Variants in SNRPD1 observed in about 807,000 individuals in gnomAD.
SNRPD1 encodes small nuclear ribonucleoprotein Sm D1.
Under a neutral mutation model 14.4 loss-of-function variants are expected in SNRPD1, and 1 was observed. The ratio of observed to expected loss-of-function variants is 0.07; its 90% CI spans 0.02 to 0.33. The LOEUF (loss-of-function observed/expected upper bound fraction) is 0.33, where lower values mean the gene tolerates loss of function less well. Among genes scored for constraint, SNRPD1 ranks in the 10% least tolerant of loss-of-function variants. The pLI is 1.00. For missense variants in SNRPD1, 52 were observed against 146.4 expected (o/e 0.36, Z 3.33); for synonymous variants, 42 against 50.3 (o/e 0.83, Z 0.70).
At position 21,632,450 on chromosome 18, in the gene SNRPD1, CTG is replaced by C. The variant is rs934744140; in HGVS notation, c.*3314_*3315del. 6.8e-6 allele frequency: 1 copy of C among 146,476 alleles called. No individual in the cohort carries two copies. The allele number at this position is 146,476 out of a possible 1,614,324, so 9.1% of individuals were successfully genotyped here. A position where few individuals can be genotyped will look rare whatever the true frequency, so the allele number is the denominator to read the frequency against. ...CTTCAGCCTGAGTGACAGAGCGAGA[CTG>C]TTTCAAAAAAAAAAAAAAAATTTGT... is the stretch of plus-strand genomic sequence containing the variant. On this transcript the variant is annotated 3_prime_UTR_variant, in exon 4 of 4. Coordinates refer to ENST00000300413, the MANE Select transcript of SNRPD1 (RefSeq NM_006938.4).
At chr18:21,615,854 TC>T (rs1385126848) in intron 1 of SNRPD1, among the ~76,000 whole-genome samples, 4 of 152,188 alleles carry the variant, frequency 2.6e-5, no homozygotes, top group Admixed American at 2.0e-4. Context: ...ATTTTACACT[TC>T]CATTAACAAT....
At chr18:21,614,500 C>T (rs1048096587) in intron 1 of SNRPD1, among the ~76,000 whole-genome samples, 3 of 152,054 alleles carry the variant, frequency 2.0e-5, no homozygotes, top group African/African-American at 7.2e-5. Context: ...TATTTTTCCT[C>T]CAGAAAATGA....
At position 21,628,985 on chromosome 18, in the gene SNRPD1, G is replaced by T. The variant is rs1380554453; in HGVS notation, c.284-77G>T. 17 of 1,058,082 alleles carry T rather than the reference G, an allele frequency of 1.6e-5. No individual in the cohort carries two copies. The South Asian group carries it at 2.0e-4, about 12-fold the overall frequency. 65.5% of individuals were successfully genotyped at this position (1,058,082 alleles called of 1,614,324 possible). On this transcript the variant is annotated intron_variant, in intron 3 of 3. Coordinates refer to ENST00000300413, the MANE Select transcript of SNRPD1 (RefSeq NM_006938.4). The stretch of plus-strand genomic sequence containing the variant: ...GCTATAAACAGGGAAAGGTGTGTGT[G>T]TAAATGTTGTTTGTGGTGTCTAGGT...
chr18:21,615,661 A>T (rs191246211), intron 1 of SNRPD1, among the ~76,000 whole-genome samples: 8 of 152,342 alleles, frequency 5.3e-5, no homozygotes, highest in Non-Finnish European at 1.0e-4. Context: ...ATTTTAAAAA[A>T]TTACAAGAAA....
chr18:21,621,304 G>GA (rs1402174713), intron 1 of SNRPD1, among the ~76,000 whole-genome samples: 9 of 152,150 alleles, frequency 5.9e-5, no homozygotes, highest in Non-Finnish European at 8.8e-5. Context: ...TTTGTAATGG[G>GA]AAAAAATTGA....
Position 21,631,793 on chromosome 18 carries a change from C to T in SNRPD1, c.*2655C>T, listed in dbSNP as rs554097773. 1 of 152,172 alleles carries T rather than the reference C, an allele frequency of 6.6e-6. No homozygotes were observed. Among genetic ancestry groups the T allele is most frequent in the East Asian group, 1.9e-4 (1 of 5,172 alleles). 9.4% of individuals were successfully genotyped at this position (152,172 alleles called of 1,614,324 possible). A position where few individuals can be genotyped will look rare whatever the true frequency, so the allele number is the denominator to read the frequency against. ...ATAACTGGATTTCATTCTTTTCCAT[C>T]TTCTGACCTGTTGGTGCTCCTATTG... On this transcript the variant is annotated 3_prime_UTR_variant, in exon 4 of 4. Transcript: ENST00000300413.
In SNRPD1 at chr18:21,622,780, C is replaced by G; in HGVS notation, c.70C>G (p.Gln24Glu). 6.3e-7 allele frequency: 1 copy of G among 1,581,414 alleles called. No individual in the cohort carries two copies. Among genetic ancestry groups the G allele is most frequent in the Non-Finnish European group, 8.7e-7 (1 of 1,150,614 alleles). Reference sequence around the variant, plus strand: ...AACCATTGAATTGAAGAACGGAACACAGGTCCATGGAACAATCACAGGTAC... The same window carrying G: ...AACCATTGAATTGAAGAACGGAACAGAGGTCCATGGAACAATCACAGGTAC... ...TVTIELKNGT[Q>E]VHGTITGVDV... Residue 24 changes from glutamine to glutamate, a missense_variant, in exon 2 of 4, where the codon CAG becomes GAG. Physicochemically the swap from Gln to Glu is conservative, Grantham distance 29. Transcript: ENST00000300413.
At chr18:21,628,309 G>A (rs567998905) in intron 3 of SNRPD1, among the ~76,000 whole-genome samples, 1 of 152,274 alleles carries the variant, frequency 6.6e-6, no homozygotes, top group Admixed American at 6.5e-5. Context: ...GAGCCCAGGA[G>A]TTCAAGGCTG....
At chr18:21,626,423 A>T (rs2039039667) in intron 3 of SNRPD1, among the ~76,000 whole-genome samples, 1 of 149,058 alleles carries the variant, frequency 6.7e-6, no homozygotes, top group Admixed American at 6.7e-5. Context: ...AAAGGAAACT[A>T]CAACAAATTA....
chr18:21,628,017 G>A (rs927790015), intron 3 of SNRPD1, among the ~76,000 whole-genome samples: 7 of 152,102 alleles, frequency 4.6e-5, no homozygotes, highest in East Asian at 3.9e-4. Context: ...TTTGTGAAAT[G>A]TCCCTTAATT....
rs2146263430 is a variant in SNRPD1, at chr18:21,629,441, T to C, written c.*303T>C. ...ACAAATTAAATTTGGCAGAGTTTAA[T>C]TGAGCAAAGGACAATTCACAAATCA... is the stretch of plus-strand genomic sequence containing the variant. On this transcript the variant is annotated 3_prime_UTR_variant, in exon 4 of 4. Coordinates refer to ENST00000300413, the MANE Select transcript of SNRPD1 (RefSeq NM_006938.4). The C allele has an allele frequency of 4.0e-6, 1 of 249,998 alleles. No homozygotes were observed. Among genetic ancestry groups the C allele is most frequent in the East Asian group, 8.3e-5 (1 of 11,984 alleles). The allele number at this position is 249,998 out of a possible 1,614,324, so 15.5% of individuals were successfully genotyped here. A position where few individuals can be genotyped will look rare whatever the true frequency, so the allele number is the denominator to read the frequency against.
At chr18:21,621,671 A>C (rs536997438) in intron 1 of SNRPD1, among the ~76,000 whole-genome samples, 1 of 151,804 alleles carries the variant, frequency 6.6e-6, no homozygotes, top group Non-Finnish European at 1.5e-5. Context: ...TCTGCCTCCC[A>C]GGTTTAAGCG....
chr18:21,623,769 C>T lies in SNRPD1; in HGVS notation c.113C>T (p.Thr38Ile). 1 of 1,609,622 alleles carries T rather than the reference C, an allele frequency of 6.2e-7. No homozygotes were observed. Among genetic ancestry groups the T allele is most frequent in the Non-Finnish European group, 8.5e-7 (1 of 1,178,508 alleles). ...TITGVDVSMN[T>I]HLKAVKMTLK... ...TTAGGTGTGGATGTCAGCATGAATA[C>T]ACATCTTAAAGCTGTGAAAATGACC... Residue 38 changes from threonine to isoleucine, a missense_variant, in exon 3 of 4, where the codon ACA becomes ATA. Coordinates refer to ENST00000300413, the MANE Select transcript of SNRPD1 (RefSeq NM_006938.4).
At chr18:21,624,039 G>C (rs1488032916) in intron 3 of SNRPD1, 100 bp downstream of exon 3, 2 of 735,128 alleles carry the variant, frequency 2.7e-6, no homozygotes, top group Non-Finnish European at 4.5e-6. Flanking sequence ...TGTCTTTGTT[G>C]TTTAATATTT....
chr18:21,614,704 CATT>C (rs2038945058), intron 1 of SNRPD1, among the ~76,000 whole-genome samples: 2 of 152,170 alleles, frequency 1.3e-5, no homozygotes, highest in Non-Finnish European at 1.5e-5. Flanking sequence ...AAGTGACCCA[CATT>C]ATCCTGTTTG....
intron 3 of SNRPD1, among the ~76,000 whole-genome samples, chr18:21,624,157 G>A (rs1356843350): frequency 2.0e-5 from 3 of 152,096 alleles, no homozygotes; most frequent in Non-Finnish European, 4.4e-5. Flanking sequence ...AAGGCGGGTG[G>A]ATCACGAGGT....
At chr18:21,619,925 A>G (rs995675186) in intron 1 of SNRPD1, among the ~76,000 whole-genome samples, 23 of 152,236 alleles carry the variant, frequency 1.5e-4, no homozygotes, top group African/African-American at 5.5e-4. Flanking sequence ...CTGAGACTAC[A>G]GGCATGAGCC....
chr18:21,614,943 C>T (rs1238186390), intron 1 of SNRPD1, among the ~76,000 whole-genome samples: 4 of 152,114 alleles, frequency 2.6e-5, no homozygotes, highest in South Asian at 2.1e-4. Context: ...CCTTTTTATC[C>T]CACTCATGGA....
chr18:21,612,403 G>A lies in SNRPD1; in HGVS notation c.-27G>A. On this transcript the variant is annotated 5_prime_UTR_variant, in exon 1 of 4. Transcript: ENST00000300413. ...GGTTGAAGGATTCTGTGTGCTGTCG[G>A]ACCCAGAGGGTGACGGCGCCGCTAG... 1.3e-6 allele frequency: 2 copies of A among 1,547,170 alleles called. No homozygotes were observed. The highest frequency in any genetic ancestry group is 1.8e-6 in the Non-Finnish European group (2 of 1,137,824).
Sources: allele counts gnomAD v4.1 joint callset (sites outside exome capture counted in the v4.1 genomes callset), GRCh38; gene constraint gnomAD v4.1.1; transcripts MANE v1.5; gene names NCBI Gene and HGNC (gene_info 2026-07-23, HGNC 2026-07-21).